The following COL25A1 variants were observed in gnomAD, a reference collection of about 807,000 sequenced individuals.
COL25A1 encodes collagen alpha-1(XXV) chain.
A neutral mutation model predicts 128.4 loss-of-function variants in COL25A1; 103 were observed. The observed-to-expected ratio is 0.80, with a 90% CI of 0.68 to 0.94. The LOEUF (loss-of-function observed/expected upper bound fraction) is 0.94. Among genes scored for constraint, COL25A1 ranks in the 40% least tolerant of loss-of-function variants. COL25A1 has a pLI of 0.00. For missense variants in COL25A1, 745 were observed against 840.0 expected (o/e 0.89, Z 1.40); for synonymous variants, 279 against 277.2 (o/e 1.01, Z -0.06).
At chr4:109,234,334 G>T (rs1168606309) in intron 3 of COL25A1, among the ~76,000 whole-genome samples, 4 of 152,098 alleles carry the variant, frequency 2.6e-5, no homozygotes, top group Admixed American at 2.6e-4. Flanking sequence ...AAGTAAGCCT[G>T]TTAGCAGTGT....
chr4:108,967,644 T>C (rs1751462472), intron 8 of COL25A1, among the ~76,000 whole-genome samples: 1 of 152,192 alleles, frequency 6.6e-6, no homozygotes. Context: ...TGCATCCACT[T>C]TTCCCGTTTT....
chr4:109,095,694 T>C (rs779972018), intron 3 of COL25A1, among the ~76,000 whole-genome samples: 11 of 152,206 alleles, frequency 7.2e-5, no homozygotes, highest in Admixed American at 3.3e-4. Flanking sequence ...TGAAGAATTA[T>C]TTTCAATAAC....
At chr4:108,901,493 T>C (rs927328674) in intron 13 of COL25A1, among the ~76,000 whole-genome samples, 3 of 152,020 alleles carry the variant, frequency 2.0e-5, no homozygotes, top group African/African-American at 7.2e-5. Flanking sequence ...AAAAGACAAC[T>C]GAAAATATAA....
chr4:108,906,336 G>A (rs889561963), intron 13 of COL25A1, among the ~76,000 whole-genome samples: 10 of 151,770 alleles, frequency 6.6e-5, no homozygotes, highest in South Asian at 2.1e-4. Flanking sequence ...TTTTTTCCTC[G>A]GATAGCTATA....
chr4:108,916,602 AAAC>A (rs142895365), intron 13 of COL25A1, among the ~76,000 whole-genome samples: 6,648 of 152,312 alleles, frequency 0.044, 190 homozygotes, highest in East Asian at 0.098. Flanking sequence ...CCAATGTCAA[AAAC>A]AACATTTATG....
chr4:109,117,321 T>G (rs941035306), intron 3 of COL25A1, among the ~76,000 whole-genome samples: 3 of 151,988 alleles, frequency 2.0e-5, no homozygotes, highest in Non-Finnish European at 2.9e-5. Context: ...CAATTTCTTC[T>G]CAGAACCCAT....
intron 3 of COL25A1, among the ~76,000 whole-genome samples, chr4:109,223,281 C>T (rs1344719738): frequency 6.6e-6 from 1 of 152,122 alleles, no homozygotes; most frequent in East Asian, 1.9e-4. Context: ...ATAAACATTA[C>T]AATTCTAACA....
intron 5 of COL25A1, among the ~76,000 whole-genome samples, chr4:109,025,723 T>C (rs1311419018): frequency 1.3e-5 from 2 of 152,194 alleles, no homozygotes; most frequent in Non-Finnish European, 2.9e-5. Flanking sequence ...CCCAGATGTT[T>C]GTGGCTGAAT....
intron 3 of COL25A1, among the ~76,000 whole-genome samples, chr4:109,053,604 C>CA (rs1381961434): frequency 6.6e-6 from 1 of 152,170 alleles, no homozygotes; most frequent in African/African-American, 2.4e-5. Flanking sequence ...AATTCTACCC[C>CA]TAGTACTTAG....
chr4:108,993,566 ATAAAT>A (rs1225140643), intron 6 of COL25A1, among the ~76,000 whole-genome samples: 4 of 152,322 alleles, frequency 2.6e-5, no homozygotes, highest in Admixed American at 2.6e-4. Flanking sequence ...GTGCAAGAAA[ATAAAT>A]TAGGTAAGCT....
intron 3 of COL25A1, among the ~76,000 whole-genome samples, chr4:109,065,988 G>A (rs550705270): frequency 5.9e-5 from 9 of 152,272 alleles, no homozygotes; most frequent in East Asian, 3.9e-4. Flanking sequence ...ACCTGGAGCT[G>A]AGCAGAGCCC....
chr4:109,238,447 T>C (rs1259993737), intron 3 of COL25A1, among the ~76,000 whole-genome samples: 3 of 152,020 alleles, frequency 2.0e-5, no homozygotes, highest in Admixed American at 1.3e-4. Flanking sequence ...TATCTCTGCT[T>C]GCAATTTTTG....
intron 6 of COL25A1, among the ~76,000 whole-genome samples, chr4:108,982,460 T>C (rs745923981): frequency 1.3e-5 from 2 of 152,102 alleles, no homozygotes; most frequent in Non-Finnish European, 2.9e-5. Context: ...ATAGAGTAGG[T>C]GCCCAACCAG....
At chr4:109,041,988 C>T (rs531816859) in intron 5 of COL25A1, among the ~76,000 whole-genome samples, 1 of 151,920 alleles carries the variant, frequency 6.6e-6, no homozygotes, top group African/African-American at 2.4e-5. Context: ...AGAAATAGAC[C>T]GTAGGAAAAA....
At chr4:108,892,941 C>G (rs1741686954) in intron 16 of COL25A1, among the ~76,000 whole-genome samples, 1 of 152,186 alleles carries the variant, frequency 6.6e-6, no homozygotes, top group East Asian at 1.9e-4. Flanking sequence ...CAGACAGCAA[C>G]AGTATTCTAA....
At chr4:109,042,026 T>G in intron 5 of COL25A1, among the ~76,000 whole-genome samples, 1 of 152,142 alleles carries the variant, frequency 6.6e-6, no homozygotes, top group East Asian at 1.9e-4. Flanking sequence ...ATTGTCAATA[T>G]TTTTGTATGT....
chr4:109,070,860 C>T (rs1023378683), intron 3 of COL25A1, among the ~76,000 whole-genome samples: 2 of 152,026 alleles, frequency 1.3e-5, no homozygotes, highest in Admixed American at 6.6e-5. Flanking sequence ...ACAAAGGACA[C>T]GAGCTCATCC....
chr4:108,915,022 G>T lies in COL25A1; in HGVS notation c.780+3150C>A, dbSNP rs374598600. Among the ~76,000 whole-genome samples, 330 of 152,204 alleles carry T rather than the reference G, an allele frequency of 2.2e-3. 1 individual carries two copies. Among genetic ancestry groups the T allele is most frequent in the African/African-American group, 7.5e-3 (313 of 41,526 alleles). On this transcript the variant is annotated intron_variant, in intron 13 of 37. Coordinates refer to ENST00000399132, the MANE Select transcript of COL25A1 (RefSeq NM_198721.4). ...ATTCTCTCTCAGATGCAGAGACCAC[G>T]CCCTTTTCTCTGTACCACACTACCT...
At chr4:109,110,372 C>T (rs10013667) in intron 3 of COL25A1, among the ~76,000 whole-genome samples, 32,163 of 151,966 alleles carry the variant, frequency 0.21, 4,044 homozygotes, top group East Asian at 0.38. Context: ...TCCCATTCTG[C>T]TATGTATAGA....
Sources: gnomAD v4.1 joint callset for allele counts (sites outside exome capture counted in the v4.1 genomes callset) on GRCh38, gnomAD v4.1.1 for gene constraint, MANE v1.5 for transcripts, NCBI Gene and HGNC (gene_info 2026-07-23, HGNC 2026-07-21) for gene names.